The following CDH23 variants were observed in gnomAD, a reference collection of about 807,000 sequenced individuals.
CDH23 encodes the protein cadherin-23.
Under a neutral mutation model 317.1 loss-of-function variants are expected in CDH23, and 189 were observed. The observed-to-expected ratio is 0.60, with a 90% confidence interval of 0.53 to 0.67. The LOEUF (loss-of-function observed/expected upper bound fraction) is 0.67. Ranked by LOEUF, CDH23 falls within the 30% of genes least tolerant of loss-of-function variation. The probability of loss-of-function intolerance (pLI) is 0.00; values close to 1 mark genes in which losing one functional copy is unlikely to be tolerated. For synonymous variants in CDH23, 1,839 were observed against 1,876.8 expected (o/e 0.98, Z 0.52); for missense variants, 4,401 against 4,592.4 (o/e 0.96, Z 1.20).
intron 60 of CDH23, 129 bp downstream of exon 60, chr10:71,808,136 C>T: frequency 1.9e-6 from 2 of 1,078,010 alleles, no homozygotes; most frequent in Non-Finnish European, 2.7e-6. Context: ...CCAGCCACAC[C>T]AATCCTATTC....
intron 38 of CDH23, among the ~76,000 whole-genome samples, chr10:71,744,038 G>C (rs1300910963): frequency 6.6e-6 from 1 of 152,198 alleles, no homozygotes; most frequent in African/African-American, 2.4e-5. Flanking sequence ...CCACCCTCCA[G>C]AGTGCTGCTT....
At chr10:71,571,668 C>T (rs1479678934) in intron 8 of CDH23, among the ~76,000 whole-genome samples, 1 of 152,240 alleles carries the variant, frequency 6.6e-6, no homozygotes, top group African/African-American at 2.4e-5. Flanking sequence ...GAATGCAACA[C>T]CGGCTGTGGG....
At chr10:71,442,701 C>T (rs1589313971) in intron 2 of CDH23, among the ~76,000 whole-genome samples, 2 of 152,322 alleles carry the variant, frequency 1.3e-5, no homozygotes, top group African/African-American at 4.8e-5. Context: ...CCATCCTAGA[C>T]TGACTAGCCA....
intron 9 of CDH23, among the ~76,000 whole-genome samples, chr10:71,588,230 C>T (rs16929103): frequency 0.019 from 2,916 of 152,240 alleles, 213 homozygotes; most frequent in East Asian, 0.18. Flanking sequence ...TTTCTATCAG[C>T]GTGTCCGTGT....
intron 48 of CDH23, chr10:71,796,013 C>A: frequency 2.0e-6 from 2 of 986,492 alleles, no homozygotes; most frequent in Non-Finnish European, 2.4e-6. Flanking sequence ...ATCCTCGCTC[C>A]CCAGCCTGGG....
At chr10:71,557,439 GGGT>G (rs1195126621) in intron 6 of CDH23, among the ~76,000 whole-genome samples, 2 of 152,178 alleles carry the variant, frequency 1.3e-5, no homozygotes, top group African/African-American at 4.8e-5. Context: ...GCTTGATGTG[GGGT>G]GGGCATTGGA....
intron 6 of CDH23, among the ~76,000 whole-genome samples, chr10:71,559,043 T>A (rs1171653939): frequency 1.3e-5 from 2 of 152,210 alleles, no homozygotes; most frequent in East Asian, 1.9e-4. Flanking sequence ...TAACCACTCT[T>A]TTTAAAGCTG....
At chr10:71,670,961 CTTTTTTTTT>C (rs762870565) in intron 14 of CDH23, among the ~76,000 whole-genome samples, 11 of 128,594 alleles carry the variant, frequency 8.6e-5, no homozygotes, top group African/African-American at 3.2e-4. Context: ...GATTTGGCAT[CTTTTTTTTT>C]TTTTTTTTTT....
chr10:71,796,764 A>G (rs892758099), intron 48 of CDH23: 1 of 257,154 alleles, frequency 3.9e-6, no homozygotes, highest in Non-Finnish European at 7.8e-6. Flanking sequence ...ATGGAAACTC[A>G]TTTTGTTTTT....
intron 15 of CDH23, among the ~76,000 whole-genome samples, chr10:71,677,112 G>A (rs1055371550): frequency 8.5e-5 from 13 of 152,092 alleles, no homozygotes; most frequent in African/African-American, 3.1e-4. Context: ...AAAACGATCT[G>A]GGTTGGCACA....
At chr10:71,689,047 C>T (rs370703784) in intron 19 of CDH23, among the ~76,000 whole-genome samples, 222 of 19,838 alleles carry the variant, frequency 0.011, 4 homozygotes, top group East Asian at 0.015. Flanking sequence ...GGTGGTGGAG[C>T]CAGGGATGGT....
chr10:71,590,838 A>T (rs1173135134), intron 9 of CDH23, among the ~76,000 whole-genome samples: 2 of 139,866 alleles, frequency 1.4e-5, no homozygotes, highest in African/African-American at 2.7e-5. Flanking sequence ...TGCACTCCAG[A>T]CTCCAGCCCG....
rs372380590 is a variant in CDH23 at position 71,677,636 on chromosome 10, C to G, written c.1695C>G (p.Ala565=). The change falls in exon 16 of 70, where the codon GCC becomes GCG. Residue 565 remains alanine (A), a synonymous_variant. Coordinates refer to ENST00000224721, the MANE Select transcript of CDH23 (RefSeq NM_022124.6). ...ACGTGCCCACCTTCCAGAAGGATGC[C>G]TACGTGGGTGCTCTGCGGGAGAACG... ...NDNVPTFQKD[A]YVGALRENEP... 79 of 1,593,110 alleles carry G rather than the reference C, an allele frequency of 5.0e-5. 1 individual carries two copies. In the Middle Eastern group the frequency reaches 3.8e-3, roughly 76 times the overall value.
At chr10:71,654,225 T>C (rs763598671) in intron 14 of CDH23, among the ~76,000 whole-genome samples, 6 of 152,212 alleles carry the variant, frequency 3.9e-5, no homozygotes, top group Non-Finnish European at 8.8e-5. Flanking sequence ...TGGAATGCTC[T>C]GCTGTCACCA....
At chr10:71,464,943 C>T (rs1212656966) in intron 3 of CDH23, among the ~76,000 whole-genome samples, 1 of 152,148 alleles carries the variant, frequency 6.6e-6, no homozygotes, top group Non-Finnish European at 1.5e-5. Context: ...AATTAGGTGC[C>T]AGGACTATGT....
intron 6 of CDH23, among the ~76,000 whole-genome samples, chr10:71,565,115 C>T (rs1242667261): frequency 3.9e-5 from 6 of 152,046 alleles, no homozygotes; most frequent in Admixed American, 3.9e-4. Context: ...ATGGGACTGG[C>T]TCTGGCACTT....
Position 71,427,195 on chromosome 10 carries a change from G to GAAAGAA in CDH23, c.-5-12631_-5-12630insAAGAAA, listed in dbSNP as rs1554823329. 4.3e-4 allele frequency among the ~76,000 whole-genome samples: 43 copies of GAAAGAA among 98,932 alleles called. 2 individuals carry two copies. In the Admixed American group the frequency reaches 5.0e-3, roughly 11 times the overall value. The allele number at this position is 98,932 out of a possible 152,430, so 64.9% of individuals were successfully genotyped here. A position where few individuals can be genotyped will look rare whatever the true frequency, so the allele number is the denominator to read the frequency against. On this transcript the variant is annotated intron_variant, in intron 1 of 69. Coordinates refer to ENST00000224721, the MANE Select transcript of CDH23 (RefSeq NM_022124.6). ...AGAAAGAAGGAAGGAAGGAAGGAAA[G>GAAAGAA]AGAAAGAAAGAAAGAAAGAAAGAAA...
intron 3 of CDH23, among the ~76,000 whole-genome samples, chr10:71,453,891 C>T (rs1016311209): frequency 3.3e-5 from 5 of 152,120 alleles, no homozygotes; most frequent in Non-Finnish European, 4.4e-5. Context: ...TTCTGCCCAC[C>T]GTGTTCACAG....
chr10:71,754,312 C>T lies in CDH23; in HGVS notation c.4845+12391C>T, dbSNP rs189892363. 3.5e-3 allele frequency among the ~76,000 whole-genome samples: 534 copies of T among 152,248 alleles called. 11 individuals are homozygous for T. The highest frequency in any genetic ancestry group is 6.5e-4 in the Non-Finnish European group (44 of 68,024). ...GTGGCCACAGCCCCCGAGTGACCCA[C>T]TATGGGGCTTCACGTGGGGGCCCCC... On this transcript the variant is annotated intron_variant, in intron 38 of 69. Transcript: ENST00000224721.
Sources: gnomAD v4.1 joint callset for allele counts (sites outside exome capture counted in the v4.1 genomes callset) on GRCh38, gnomAD v4.1.1 for gene constraint, MANE v1.5 for transcripts, NCBI Gene and HGNC (gene_info 2026-07-23, HGNC 2026-07-21) for gene names.